Variants in AS3MT observed in about 807,000 individuals in gnomAD.
AS3MT encodes S-adenosyl-L-methionine:arsenic(III) methyltransferase.
A neutral mutation model predicts 45.3 loss-of-function variants in AS3MT; 47 were observed. The observed-to-expected ratio is 1.04, with a 90% CI of 0.82 to 1.32. The LOEUF is 1.32. Among genes scored for constraint, AS3MT ranks in the 40% most tolerant of loss-of-function variants. The pLI is 0.00. For synonymous variants in AS3MT, 141 were observed against 152.8 expected, an observed-to-expected ratio of 0.92 and a Z score of 0.57; for missense variants, 396 against 451.1, an observed-to-expected ratio of 0.88 and a Z score of 1.11.
intron 3 of AS3MT, 101 bp downstream of exon 3, chr10:102,870,312 A>C: frequency 7.1e-7 from 1 of 1,410,090 alleles, no homozygotes; most frequent in Non-Finnish European, 9.8e-7. Flanking sequence ...CCACCAACCC[A>C]TCAGCTTGCC....
chr10:102,869,820 A>G lies in AS3MT; in HGVS notation c.17A>G (p.Asp6Gly), dbSNP rs368195232. 7 of 1,613,950 alleles carry G rather than the reference A, an allele frequency of 4.3e-6. No homozygotes were observed. In the African/African-American group the frequency reaches 9.3e-5, roughly 22 times the overall value. The change falls in exon 2 of 11, where the codon GAC becomes GGC. Residue 6 changes from aspartate (D) to glycine (G), a missense_variant. Physicochemically the swap from Asp to Gly is moderately conservative, Grantham distance 94. Transcript: ENST00000369880. MAALR[D>G]AEIQKDVQTY... ...CTCCCGACAGTGGCTGCACTTCGTG[A>G]CGCTGAGATACAGAAGGACGTGCAG...
intron 6 of AS3MT, among the ~76,000 whole-genome samples, chr10:102,875,357 A>T (rs1464640607): frequency 6.6e-6 from 1 of 151,256 alleles, no homozygotes; most frequent in Non-Finnish European, 1.5e-5. Flanking sequence ...CGTGCCTGTA[A>T]TCCCAGCTCC....
At chr10:102,883,170 G>A (rs1225899002) in intron 9 of AS3MT, among the ~76,000 whole-genome samples, 3 of 148,814 alleles carry the variant, frequency 2.0e-5, no homozygotes, top group Non-Finnish European at 4.5e-5. Context: ...GTGCAATCTC[G>A]GCTCACTGCA....
chr10:102,878,552 T>C (rs1404091057), intron 8 of AS3MT, 42 bp downstream of exon 8: 1 of 1,602,848 alleles, frequency 6.2e-7, no homozygotes, highest in Non-Finnish European at 8.5e-7. Flanking sequence ...AACTACAGCT[T>C]GAATGATTGA....
intron 3 of AS3MT, 94 bp from the exon 4 acceptor site, chr10:102,872,354 G>T: frequency 4.9e-6 from 6 of 1,228,360 alleles, no homozygotes; most frequent in Non-Finnish European, 6.9e-6. Flanking sequence ...AGGAAGGAAC[G>T]GAGGGAGGGA....
rs1347229265 is a variant in AS3MT at position 102,878,913 on chromosome 10, G to A, written c.807G>A (p.Lys269=). The A allele has an allele frequency of 1.9e-6, 3 of 1,613,904 alleles. No homozygotes were observed. Among genetic ancestry groups the A allele is most frequent in the Non-Finnish European group, 2.5e-6 (3 of 1,179,944 alleles). ...AACACTCTAAGACAGGACCAACCAA[G>A]AGATGCCAAGTTATTTACAATGGAG... The part of the protein sequence containing the change: ...LFKHSKTGPT[K]RCQVIYNGGI... The change falls in exon 9 of 11, where the codon AAG becomes AAA. Residue 269 remains lysine, a synonymous_variant. Transcript: ENST00000369880.
chr10:102,878,744 G>T, intron 8 of AS3MT, 105 bp from the exon 9 acceptor site: 1 of 1,424,368 alleles, frequency 7.0e-7, no homozygotes, highest in South Asian at 1.4e-5. Flanking sequence ...CTGATGACAT[G>T]CAAGGAAGAA....
At position 102,878,405 on chromosome 10, in the gene AS3MT, T is replaced by C. The variant is rs1844821050; in HGVS notation, c.637T>C (p.Trp213Arg). 2 of 1,614,192 alleles carry C rather than the reference T, an allele frequency of 1.2e-6. No individual in the cohort carries two copies. The highest frequency in any genetic ancestry group is 1.3e-5 in the African/African-American group (1 of 75,062). ...TGAGTGTCTGGGTGGTGCTTTATACTGGAAGGAACTTGCTGTCCTTGCTCA... is the reference window on the plus strand; with the variant it reads ...TGAGTGTCTGGGTGGTGCTTTATACCGGAAGGAACTTGCTGTCCTTGCTCA... Reference protein sequence around the residue: ...WGECLGGALYWKELAVLAQKI... With the variant: ...WGECLGGALYRKELAVLAQKI... The change falls in exon 8 of 11, where the codon TGG becomes CGG. Residue 213 changes from tryptophan (W) to arginine (R), a missense_variant. Physicochemically the swap from Trp to Arg is moderately radical, Grantham distance 101 (BLOSUM62 -3). Coordinates refer to ENST00000369880, the MANE Select transcript of AS3MT (RefSeq NM_020682.4).
At chr10:102,895,021 A>G (rs1258993928) in intron 10 of AS3MT, among the ~76,000 whole-genome samples, 1 of 152,216 alleles carries the variant, frequency 6.6e-6, no homozygotes, top group Non-Finnish European at 1.5e-5. Flanking sequence ...GTCACAGGCC[A>G]TTGGTCACTT....
rs999136849 is a variant in AS3MT, at chr10:102,885,697, T to G, written c.886-4847T>G. On this transcript the variant is annotated intron_variant, in intron 9 of 10. Coordinates refer to ENST00000369880, the MANE Select transcript of AS3MT (RefSeq NM_020682.4). Reference sequence around the variant, plus strand: ...GGCGCCCGCCACTACGCCCGGCTAATTTTTTGTATTTTTAGTAGAGACGGG... The same window carrying G: ...GGCGCCCGCCACTACGCCCGGCTAAGTTTTTGTATTTTTAGTAGAGACGGG... Among the ~76,000 whole-genome samples the G allele has an allele frequency of 4.8e-5, 5 of 104,974 alleles. 1 individual carries two copies. Among genetic ancestry groups the G allele is most frequent in the African/African-American group, 1.0e-4 (3 of 28,736 alleles). 68.9% of individuals were successfully genotyped at this position (104,974 alleles called of 152,430 possible). A position where few individuals can be genotyped will look rare whatever the true frequency, so the allele number is the denominator to read the frequency against.
intron 6 of AS3MT, among the ~76,000 whole-genome samples, chr10:102,875,579 G>C (rs1483065867): frequency 6.6e-6 from 1 of 151,474 alleles, no homozygotes; most frequent in East Asian, 1.9e-4. Context: ...GAGCTCTGGA[G>C]TTTGTGTGCA....
intron 10 of AS3MT, among the ~76,000 whole-genome samples, chr10:102,892,777 A>G (rs1845092404): frequency 6.6e-6 from 1 of 152,010 alleles, no homozygotes; most frequent in African/African-American, 2.4e-5. Context: ...GGAGTTCAAG[A>G]CCAGCCTGGG....
chr10:102,895,193 T>C (rs1590231077), intron 10 of AS3MT, among the ~76,000 whole-genome samples: 2 of 152,062 alleles, frequency 1.3e-5, no homozygotes, highest in Middle Eastern at 6.8e-3. Flanking sequence ...TCAACTATTT[T>C]AGTTCTTTTT....
Position 102,890,695 on chromosome 10 carries a change from C to T in AS3MT, c.1020+17C>T. ...GAGTTAAAGGTTAGTTTGGCTTTCACTACCTGAGAGAACTATTTTATTTAT... is the reference window on the plus strand; with the variant it reads ...GAGTTAAAGGTTAGTTTGGCTTTCATTACCTGAGAGAACTATTTTATTTAT... On this transcript the variant is annotated intron_variant, in intron 10 of 10. Transcript: ENST00000369880. 2 of 1,597,780 alleles carry T rather than the reference C, an allele frequency of 1.3e-6. No individual in the cohort carries two copies. The highest frequency in any genetic ancestry group is 1.7e-6 in the Non-Finnish European group (2 of 1,174,990).
rs570188457 is a variant in AS3MT at position 102,880,261 on chromosome 10, A to G, written c.885+1270A>G. On this transcript the variant is annotated intron_variant, in intron 9 of 10. Transcript: ENST00000369880. ...GGAAAAGTTCAGGCTTTGGAATCAGATACCTGGGTTCAAATTCTGGCTCTA... is the reference window on the plus strand; with the variant it reads ...GGAAAAGTTCAGGCTTTGGAATCAGGTACCTGGGTTCAAATTCTGGCTCTA... Among the ~76,000 whole-genome samples, 63 of 152,174 alleles carry G rather than the reference A, an allele frequency of 4.1e-4. No individual in the cohort carries two copies. The South Asian group carries it at 6.6e-3, about 16-fold the overall frequency.
chr10:102,891,111 A>G (rs1845063315), intron 10 of AS3MT, among the ~76,000 whole-genome samples: 1 of 152,196 alleles, frequency 6.6e-6, no homozygotes, highest in Non-Finnish European at 1.5e-5. Context: ...CTTAATGTGC[A>G]TGCTTGAGCC....
At chr10:102,894,410 G>A (rs183302764) in intron 10 of AS3MT, among the ~76,000 whole-genome samples, 21 of 151,146 alleles carry the variant, frequency 1.4e-4, no homozygotes, top group African/African-American at 4.6e-4. Flanking sequence ...GCGACAGAGC[G>A]AGACTCCATC....
chr10:102,879,596 T>G (rs959589903), intron 9 of AS3MT, among the ~76,000 whole-genome samples: 7 of 151,666 alleles, frequency 4.6e-5, no homozygotes, highest in African/African-American at 1.5e-4. Flanking sequence ...CGAAAACCCA[T>G]CTCTACTAAT....
chr10:102,872,383 A>G (rs1844706446), intron 3 of AS3MT, 65 bp from the exon 4 acceptor site: 1 of 1,544,440 alleles, frequency 6.5e-7, no homozygotes, highest in Non-Finnish European at 8.9e-7. Flanking sequence ...GGAAGTATGT[A>G]TAAGATTTAG....
Sources: gnomAD v4.1 joint callset for allele counts (sites outside exome capture counted in the v4.1 genomes callset) on GRCh38, gnomAD v4.1.1 for gene constraint, MANE v1.5 for transcripts, NCBI Gene and HGNC (gene_info 2026-07-23, HGNC 2026-07-21) for gene names.